The following PXDNL variants were observed in gnomAD, a reference collection of about 807,000 sequenced individuals.
The protein encoded by PXDNL is peroxidasin like, also known as probable oxidoreductase PXDNL.
PXDNL carries 145 observed loss-of-function variants against 150.8 expected under a neutral mutation model. That is an observed-to-expected ratio of 0.96 (90% CI 0.84 to 1.10). PXDNL has a LOEUF of 1.10. Among genes scored for constraint, PXDNL ranks in the 50% least tolerant of loss-of-function variants. PXDNL has a pLI of 0.00. For synonymous variants in PXDNL, 757 were observed against 725.7 expected, an observed-to-expected ratio of 1.04 and a Z score of -0.69; for missense variants, 2,087 against 1,873.9, an observed-to-expected ratio of 1.11 and a Z score of -2.10.
intron 8 of PXDNL, among the ~76,000 whole-genome samples, chr8:51,461,671 G>A (rs145535560): frequency 3.9e-4 from 60 of 152,338 alleles, no homozygotes; most frequent in East Asian, 9.7e-4. Context: ...TGCAAGTCTC[G>A]TGATAAGCTA....
intron 1 of PXDNL, among the ~76,000 whole-genome samples, chr8:51,701,634 A>T (rs553935251): frequency 6.6e-6 from 1 of 152,336 alleles, no homozygotes; most frequent in Admixed American, 6.5e-5. Context: ...ACATTGCTGT[A>T]ATTAAATCGA....
chr8:51,666,668 A>C (rs755700842), intron 1 of PXDNL, among the ~76,000 whole-genome samples: 1 of 152,150 alleles, frequency 6.6e-6, no homozygotes, highest in Non-Finnish European at 1.5e-5. Context: ...ACACAAAATC[A>C]GAGTCCTAGG....
chr8:51,764,334 C>A (rs2037201387), intron 1 of PXDNL, among the ~76,000 whole-genome samples: 1 of 145,154 alleles, frequency 6.9e-6, no homozygotes, highest in East Asian at 2.0e-4. Context: ...TTTATGATTT[C>A]TTTCATTCTG....
chr8:51,614,139 G>T (rs1814081289), intron 2 of PXDNL, among the ~76,000 whole-genome samples: 1 of 152,142 alleles, frequency 6.6e-6, no homozygotes, highest in Admixed American at 6.5e-5. Flanking sequence ...CAGAATTATA[G>T]AATCTAAGAA....
chr8:51,621,446 GTC>G (rs1252130190), intron 2 of PXDNL, among the ~76,000 whole-genome samples: 138 of 123,030 alleles, frequency 1.1e-3, no homozygotes, highest in Non-Finnish European at 1.2e-3. Flanking sequence ...GTGTGTGTGT[GTC>G]TGTGTGTGTG....
chr8:51,442,092 G>T (rs941760251), intron 12 of PXDNL, among the ~76,000 whole-genome samples: 3 of 151,866 alleles, frequency 2.0e-5, no homozygotes, highest in African/African-American at 7.3e-5. Flanking sequence ...CATGGACCCA[G>T]GGTCACTCTT....
At position 51,455,115 on chromosome 8, in the gene PXDNL, C is replaced by CAAAAAAAAAAAAAAAAAAAAA. The variant is rs536468204; in HGVS notation, c.983-1331_983-1330insTTTTTTTTTTTTTTTTTTTTT. ...TGGGCGACAGAGCGAGACTCCGTCT[C>CAAAAAAAAAAAAAAAAAAAAA]AAAAAAAAAAAAAAAAAAGAGGTAA... On this transcript the variant is annotated intron_variant, in intron 9 of 22. Coordinates refer to ENST00000356297, the MANE Select transcript of PXDNL (RefSeq NM_144651.5). Among the ~76,000 whole-genome samples, 10 of 15,858 alleles carry CAAAAAAAAAAAAAAAAAAAAA rather than the reference C, an allele frequency of 6.3e-4. 1 individual carries two copies. The highest frequency in any genetic ancestry group is 3.2e-3 in the Admixed American group (2 of 624). The allele number at this position is 15,858 out of a possible 152,430, so 10.4% of individuals were successfully genotyped here.
At chr8:51,800,273 T>C (rs918385096) in intron 1 of PXDNL, among the ~76,000 whole-genome samples, 1 of 152,192 alleles carries the variant, frequency 6.6e-6, no homozygotes, top group Non-Finnish European at 1.5e-5. Context: ...ACATAAAATA[T>C]GTTGGTATGT....
chr8:51,372,450 T>C (rs1429559940), intron 18 of PXDNL, among the ~76,000 whole-genome samples: 1 of 152,232 alleles, frequency 6.6e-6, no homozygotes, highest in Non-Finnish European at 1.5e-5. Context: ...AGTGGCATGA[T>C]CTCAGCTCAC....
chr8:51,408,037 T>A, intron 17 of PXDNL, 30 bp downstream of exon 17: 1 of 1,557,274 alleles, frequency 6.4e-7, no homozygotes, highest in South Asian at 1.2e-5. Flanking sequence ...CTAAGAAATG[T>A]TTAAATCCAG....
chr8:51,457,503 A>C lies in PXDNL; in HGVS notation c.977T>G (p.Leu326Arg), dbSNP rs2129998105. ...TQSAMLRYSS[L>R]PAKPSFVIQP... ...CTAGAAAATAATAGTTTTACCTGGA[A>C]GACTGGAGTATCTGAGCATGGCACT... The change falls in exon 9 of 23, where the codon CTT becomes CGT. Residue 326 changes from leucine (L) to arginine (R), a missense_variant. By Grantham distance (102) the Leu-to-Arg change is moderately radical (BLOSUM62 -2). Coordinates refer to ENST00000356297, the MANE Select transcript of PXDNL (RefSeq NM_144651.5). The C allele has an allele frequency of 6.2e-7, 1 of 1,607,052 alleles. No individual in the cohort carries two copies. The highest frequency in any genetic ancestry group is 1.1e-5 in the South Asian group (1 of 89,388).
intron 12 of PXDNL, among the ~76,000 whole-genome samples, chr8:51,433,462 T>C (rs1200666836): frequency 6.6e-6 from 1 of 152,044 alleles, no homozygotes; most frequent in African/African-American, 2.4e-5. Flanking sequence ...AGTGGGGCAA[T>C]ATTTTGTACA....
At chr8:51,532,932 A>G (rs6473614) in intron 4 of PXDNL, among the ~76,000 whole-genome samples, 12,094 of 152,220 alleles carry the variant, frequency 0.079, 778 homozygotes, top group East Asian at 0.23. Context: ...TGATTAAGCC[A>G]CAACTCTGGC....
At chr8:51,373,063 T>C (rs918726734) in intron 18 of PXDNL, among the ~76,000 whole-genome samples, 11 of 152,184 alleles carry the variant, frequency 7.2e-5, no homozygotes, top group African/African-American at 2.4e-4. Flanking sequence ...CCCCCTAAAA[T>C]GTATATGTTG....
chr8:51,542,110 TTTTATTCTGAATTTCAGGCTTTAA>T (rs1812229857), intron 4 of PXDNL, among the ~76,000 whole-genome samples: 1 of 152,140 alleles, frequency 6.6e-6, no homozygotes, highest in Non-Finnish European at 1.5e-5. Flanking sequence ...ATAGTCTACG[TTTTATTCTGAATTTCAGGCTTTAA>T]TTTATTTTGA....
At chr8:51,456,039 G>A (rs1467255283) in intron 9 of PXDNL, among the ~76,000 whole-genome samples, 3 of 152,030 alleles carry the variant, frequency 2.0e-5, no homozygotes, top group Non-Finnish European at 4.4e-5. Context: ...CCCTATCCAT[G>A]CCACCACCAA....
At chr8:51,699,152 A>G (rs988403107) in intron 1 of PXDNL, among the ~76,000 whole-genome samples, 2 of 152,176 alleles carry the variant, frequency 1.3e-5, no homozygotes, top group African/African-American at 4.8e-5. Flanking sequence ...AAGAGAGTCA[A>G]TCTGTCCTTC....
At chr8:51,744,675 C>CAAAAAAA (rs34751949) in intron 1 of PXDNL, among the ~76,000 whole-genome samples, 1 of 38,850 alleles carries the variant, frequency 2.6e-5, no homozygotes, top group African/African-American at 1.2e-4. Context: ...GACTCCATCT[C>CAAAAAAA]AAAAAAAAAA....
chr8:51,677,300 A>C (rs1815646338), intron 1 of PXDNL, among the ~76,000 whole-genome samples: 1 of 152,242 alleles, frequency 6.6e-6, no homozygotes, highest in African/African-American at 2.4e-5. Flanking sequence ...AATATATTAC[A>C]TACGTTTCCT....
Sources: allele counts gnomAD v4.1 joint callset (sites outside exome capture counted in the v4.1 genomes callset), GRCh38; gene constraint gnomAD v4.1.1; transcripts MANE v1.5; gene names NCBI Gene and HGNC (gene_info 2026-07-23, HGNC 2026-07-21).